Variants in CSNK1G1 observed in about 807,000 individuals in gnomAD.
CSNK1G1 encodes casein kinase 1 gamma 1.
In CSNK1G1, 22 loss-of-function variants were observed where a neutral mutation model predicts 59.6. That is an observed-to-expected ratio of 0.37 (90% confidence interval 0.26 to 0.53). The LOEUF (loss-of-function observed/expected upper bound fraction) is 0.53, where lower values mean the gene tolerates loss of function less well. CSNK1G1 is among the 20% of genes least tolerant of loss of function. The pLI is 0.89. For synonymous variants in CSNK1G1, 179 were observed against 177.1 expected, an observed-to-expected ratio of 1.01 and a Z score of -0.08; for missense variants, 384 against 519.5, an observed-to-expected ratio of 0.74 and a Z score of 2.54.
rs1027658419 is a variant in CSNK1G1 at position 64,310,866 on chromosome 15, G to T, written c.-224-10143C>A. On this transcript the variant is annotated intron_variant, in intron 1 of 11. Coordinates refer to ENST00000303052, the MANE Select transcript of CSNK1G1 (RefSeq NM_022048.5). ...CTAAAAATACAAAAATTAGCTGGGT[G>T]TGGTGGCGCATGCCTGTAATCCCAG... is the stretch of plus-strand genomic sequence containing the variant. 3.8e-4 allele frequency among the ~76,000 whole-genome samples: 57 copies of T among 151,494 alleles called. 1 individual carries two copies. The highest frequency in any genetic ancestry group is 1.2e-3 in the African/African-American group (50 of 41,370).
At chr15:64,219,174 C>T (rs1427676916) in intron 4 of CSNK1G1, among the ~76,000 whole-genome samples, 2 of 151,910 alleles carry the variant, frequency 1.3e-5, no homozygotes, top group African/African-American at 4.8e-5. Flanking sequence ...CTTTTTTTCC[C>T]GGTTGTTTTG....
At chr15:64,220,554 T>C (rs1396552975) in intron 4 of CSNK1G1, among the ~76,000 whole-genome samples, 1 of 151,518 alleles carries the variant, frequency 6.6e-6, no homozygotes, top group Non-Finnish European at 1.5e-5. Flanking sequence ...TGGAGTGCAG[T>C]TGCATGATCT....
chr15:64,208,475 C>T (rs149782438), intron 6 of CSNK1G1, among the ~76,000 whole-genome samples: 2 of 152,342 alleles, frequency 1.3e-5, no homozygotes, highest in African/African-American at 4.8e-5. Flanking sequence ...GCAACTTCAT[C>T]TCAGAAAACA....
At position 64,188,160 on chromosome 15, in the gene CSNK1G1, A is replaced by G. The variant is rs1403804979; in HGVS notation, c.1108-7706T>C. 6.6e-6 allele frequency among the ~76,000 whole-genome samples: 1 copy of G among 152,276 alleles called. No individual in the cohort carries two copies. Among genetic ancestry groups the G allele is most frequent in the Non-Finnish European group, 1.5e-5 (1 of 68,050 alleles). ...AGGTTAACCAGAAATCAGTATCAGA[A>G]ATCATATAGATGTTTCTTAGTCAAT... On this transcript the variant is annotated intron_variant, in intron 10 of 11. Coordinates refer to ENST00000303052, the MANE Select transcript of CSNK1G1 (RefSeq NM_022048.5). The surrounding 1 kb of genome is among the most constrained non-coding windows in gnomAD (Gnocchi z 4.2).
intron 3 of CSNK1G1, among the ~76,000 whole-genome samples, chr15:64,255,634 C>A (rs1253400716): frequency 6.6e-6 from 1 of 152,182 alleles, no homozygotes; most frequent in Admixed American, 6.5e-5. Context: ...ACTTTCTTTT[C>A]TTAGGCAAAG....
chr15:64,171,543 A>C lies in CSNK1G1; in HGVS notation c.*388T>G. 1 of 194,378 alleles carries C rather than the reference A, an allele frequency of 5.1e-6. No homozygotes were observed. The highest frequency in any genetic ancestry group is 1.1e-5 in the Non-Finnish European group (1 of 93,420). The allele number at this position is 194,378 out of a possible 1,614,324, so 12.0% of individuals were successfully genotyped here. ...CTGCAGACAAAGCCTTTAGCTCACTAGGTTTTATGCTGGAGAGGGTTGAGG... is the reference window on the plus strand; with the variant it reads ...CTGCAGACAAAGCCTTTAGCTCACTCGGTTTTATGCTGGAGAGGGTTGAGG... On this transcript the variant is annotated 3_prime_UTR_variant, in exon 12 of 12. Coordinates refer to ENST00000303052, the MANE Select transcript of CSNK1G1 (RefSeq NM_022048.5). This position sits in a 1 kb window ranked among gnomAD's most constrained non-coding sequence, Gnocchi z 4.8.
At chr15:64,173,828 G>A (rs2081707458) in intron 11 of CSNK1G1, among the ~76,000 whole-genome samples, 1 of 151,752 alleles carries the variant, frequency 6.6e-6, no homozygotes, top group African/African-American at 2.4e-5. Flanking sequence ...TGGCCGGGCT[G>A]GTCTGGAACT....
chr15:64,239,894 C>A (rs2082671508), intron 4 of CSNK1G1, among the ~76,000 whole-genome samples: 1 of 152,164 alleles, frequency 6.6e-6, no homozygotes, highest in Non-Finnish European at 1.5e-5. Context: ...AGAAGAAAGT[C>A]TCTGAGCTTG....
At chr15:64,354,234 G>A (rs555968527) in intron 1 of CSNK1G1, among the ~76,000 whole-genome samples, 1 of 152,292 alleles carries the variant, frequency 6.6e-6, no homozygotes, top group South Asian at 2.1e-4. Context: ...GAATCCTGGA[G>A]GTAGAGGTTG....
chr15:64,282,076 C>G (rs1488321373), intron 2 of CSNK1G1, among the ~76,000 whole-genome samples: 2 of 151,916 alleles, frequency 1.3e-5, no homozygotes, highest in Admixed American at 1.3e-4. Context: ...CATGCACCAT[C>G]AAGCCTGGCT....
intron 1 of CSNK1G1, among the ~76,000 whole-genome samples, chr15:64,333,707 T>C (rs1897239025): frequency 6.6e-6 from 1 of 152,074 alleles, no homozygotes; most frequent in South Asian, 2.1e-4. Context: ...ACCTAACACC[T>C]AAGGATTCCT....
rs2411152 is a variant in CSNK1G1, at chr15:64,191,207, G to A, written c.1108-10753C>T. On this transcript the variant is annotated intron_variant, in intron 10 of 11. Transcript: ENST00000303052. ...CTCCCGAGTAGCTGGGACTACGGAC[G>A]CGCGCCACCAGGTTGCTAATTTTTT... Among the ~76,000 whole-genome samples, 1,051 of 152,118 alleles carry A rather than the reference G, an allele frequency of 6.9e-3. 12 individuals carry two copies. Among genetic ancestry groups the A allele is most frequent in the African/African-American group, 0.017 (706 of 41,492 alleles).
chr15:64,336,407 T>C (rs1418475145), intron 1 of CSNK1G1, among the ~76,000 whole-genome samples: 2 of 152,192 alleles, frequency 1.3e-5, no homozygotes, highest in Non-Finnish European at 2.9e-5. Context: ...TCAGCATAAA[T>C]GCTACCTGCA....
At chr15:64,234,308 A>G (rs1242129540) in intron 4 of CSNK1G1, among the ~76,000 whole-genome samples, 5 of 152,132 alleles carry the variant, frequency 3.3e-5, no homozygotes, top group Admixed American at 6.5e-5. Flanking sequence ...ATATAAAATA[A>G]AATTAGGTTG....
intron 4 of CSNK1G1, among the ~76,000 whole-genome samples, chr15:64,227,928 C>T (rs949437638): frequency 1.3e-5 from 2 of 152,162 alleles, no homozygotes; most frequent in African/African-American, 4.8e-5. Context: ...ATTCTCCATG[C>T]TCCCCAACCC....
chr15:64,355,504 T>G (rs1898604192), intron 1 of CSNK1G1, among the ~76,000 whole-genome samples: 1 of 152,200 alleles, frequency 6.6e-6, no homozygotes, highest in Non-Finnish European at 1.5e-5. Flanking sequence ...TCTTGTGCCC[T>G]AAGCTCCGCC....
intron 2 of CSNK1G1, among the ~76,000 whole-genome samples, chr15:64,293,506 A>G (rs1450266555): frequency 1.3e-5 from 2 of 152,254 alleles, no homozygotes; most frequent in Non-Finnish European, 2.9e-5. Context: ...ACACAAAGTG[A>G]AACATCTTTT....
chr15:64,227,373 G>A (rs923465218), intron 4 of CSNK1G1, among the ~76,000 whole-genome samples: 6 of 152,200 alleles, frequency 3.9e-5, no homozygotes, highest in Admixed American at 3.9e-4. Context: ...CATGATGATT[G>A]TAAATGATAT....
intron 1 of CSNK1G1, among the ~76,000 whole-genome samples, chr15:64,324,170 C>A (rs769286271): frequency 6.6e-5 from 10 of 152,222 alleles, no homozygotes; most frequent in Non-Finnish European, 1.2e-4. Flanking sequence ...ATAAACACTA[C>A]ACTGATTACC....
Sources: gnomAD v4.1 joint callset for allele counts (sites outside exome capture counted in the v4.1 genomes callset) on GRCh38, gnomAD v4.1.1 for gene constraint, Gnocchi (gnomAD v3.1) non-coding constraint, MANE v1.5 for transcripts, NCBI Gene and HGNC (gene_info 2026-07-23, HGNC 2026-07-21) for gene names.